The following LTBP1 variants were observed in gnomAD, a reference collection of about 807,000 sequenced individuals.
The protein encoded by LTBP1 is latent transforming growth factor beta binding protein 1.
A neutral mutation model predicts 207.6 loss-of-function variants in LTBP1; 129 were observed. The observed-to-expected ratio is 0.62, with a 90% CI of 0.54 to 0.72. The LOEUF is 0.72. Among genes scored for constraint, LTBP1 ranks in the 30% least tolerant of loss-of-function variants. The pLI, the probability that LTBP1 is intolerant of heterozygous loss-of-function variation, is 0.00. For synonymous variants in LTBP1, 963 were observed against 833.7 expected (o/e 1.16, Z -2.67); for missense variants, 2,281 against 2,217.2 (o/e 1.03, Z -0.58).
At chr2:33,151,447 CT>C (rs796120604) in intron 5 of LTBP1, among the ~76,000 whole-genome samples, 125 of 151,082 alleles carry the variant, frequency 8.3e-4, no homozygotes, top group African/African-American at 1.9e-3. Flanking sequence ...TCAGCTTACC[CT>C]TTTTTTTTGT....
At position 33,161,522 on chromosome 2, in the gene LTBP1, C is replaced by T. The variant is rs563294756; in HGVS notation, c.1202-25334C>T. Among the ~76,000 whole-genome samples, 5 of 152,338 alleles carry T rather than the reference C, an allele frequency of 3.3e-5. 1 individual carries two copies. The South Asian group carries it at 1.0e-3, about 32-fold the overall frequency. ...GACCTCGTGATCCACCTGCCTCAGC[C>T]TTCCAAAGTGTTGGCATTACAGGCG... On this transcript the variant is annotated intron_variant, in intron 5 of 33. Coordinates refer to ENST00000404816, the MANE Select transcript of LTBP1 (RefSeq NM_206943.4).
chr2:33,120,851 A>G (rs192819180), intron 4 of LTBP1, among the ~76,000 whole-genome samples: 3 of 152,306 alleles, frequency 2.0e-5, no homozygotes, highest in African/African-American at 4.8e-5. Context: ...TTTTTTCGCA[A>G]TTAAACATCA....
intron 14 of LTBP1, 116 bp from the exon 15 acceptor site, chr2:33,263,178 T>C (rs76813476): frequency 0.025 from 17,792 of 697,786 alleles, 312 homozygotes; most frequent in Middle Eastern, 0.091. Flanking sequence ...CAGTTCTTTA[T>C]ATCTGACAAA....
Position 33,131,894 on chromosome 2 carries a change from G to C in LTBP1, c.1034-2899G>C, listed in dbSNP as rs140982344. Among the ~76,000 whole-genome samples, 438 of 152,256 alleles carry C rather than the reference G, an allele frequency of 2.9e-3. 2 individuals are homozygous for C. The highest frequency in any genetic ancestry group is 0.01 in the African/African-American group (416 of 41,554). On this transcript the variant is annotated intron_variant, in intron 4 of 33. Coordinates refer to ENST00000404816, the MANE Select transcript of LTBP1 (RefSeq NM_206943.4). Reference sequence around the variant, plus strand: ...AGTTTTTAATAACAATAGGCCCGGAGAATCTCCAGTGCTTATAAAGTGACT... The same window carrying C: ...AGTTTTTAATAACAATAGGCCCGGACAATCTCCAGTGCTTATAAAGTGACT...
In LTBP1 at chr2:33,095,259, A is replaced by T. The variant is rs551275851; in HGVS notation, c.864-15323A>T. The stretch of plus-strand genomic sequence containing the variant: ...AGTGAACTATTTGAAGGCATTTGAG[A>T]GCAATAAAAAGCAGACTGAAATTGG... On this transcript the variant is annotated intron_variant, in intron 3 of 33. Coordinates refer to ENST00000404816, the MANE Select transcript of LTBP1 (RefSeq NM_206943.4). Among the ~76,000 whole-genome samples the T allele has an allele frequency of 4.1e-4, 63 of 152,312 alleles. 1 individual carries two copies. The South Asian group carries it at 0.013, about 32-fold the overall frequency.
intron 24 of LTBP1, among the ~76,000 whole-genome samples, chr2:33,322,052 T>A (rs7570856): frequency 0.067 from 10,144 of 152,218 alleles, 1,106 homozygotes; most frequent in African/African-American, 0.23. Flanking sequence ...TTTCCATGCA[T>A]TGCTTGATTG....
chr2:33,124,599 TGA>T (rs1385504400), intron 4 of LTBP1, among the ~76,000 whole-genome samples: 3 of 152,346 alleles, frequency 2.0e-5, no homozygotes, highest in East Asian at 1.9e-4. Context: ...AGTTATGATC[TGA>T]AAGCAAACAT....
Position 32,955,454 on chromosome 2 carries a change from T to C in LTBP1, c.565+6509T>C, listed in dbSNP as rs1677923793. Among the ~76,000 whole-genome samples the C allele has an allele frequency of 2.0e-5, 3 of 152,132 alleles. No individual in the cohort carries two copies. The South Asian group carries it at 6.2e-4, about 32-fold the overall frequency. ...CCTTTTAAAAAAGATTTAAACACTT[T>C]GGAACAGTTGGGTGTTTTCTTCCAC... On this transcript the variant is annotated intron_variant, in intron 2 of 33. Coordinates refer to ENST00000404816, the MANE Select transcript of LTBP1 (RefSeq NM_206943.4).
chr2:33,206,374 T>C (rs1192288161), intron 7 of LTBP1, among the ~76,000 whole-genome samples: 1 of 152,148 alleles, frequency 6.6e-6, no homozygotes, highest in Non-Finnish European at 1.5e-5. Context: ...CTAAAATGTT[T>C]TTGGTTCCTT....
At chr2:33,115,121 T>C (rs201703628) in intron 4 of LTBP1, among the ~76,000 whole-genome samples, 1,074 of 85,214 alleles carry the variant, frequency 0.013, 13 homozygotes, top group African/African-American at 0.042. Context: ...CACACACACA[T>C]ATATATACAC....
In LTBP1 at chr2:33,398,361, C is replaced by A; in HGVS notation, c.4985-3C>A. The A allele has an allele frequency of 6.2e-7, 1 of 1,612,274 alleles. No homozygotes were observed. Among genetic ancestry groups the A allele is most frequent in the Non-Finnish European group, 8.5e-7 (1 of 1,178,986 alleles). ...TTTACCTGCATGGCTTGACTTATTG[C>A]AGATGTAAATGAATGCGATGAGTTG... On this transcript the variant is annotated splice_polypyrimidine_tract_variant and splice_region_variant and intron_variant, in intron 33 of 33. Coordinates refer to ENST00000404816, the MANE Select transcript of LTBP1 (RefSeq NM_206943.4).
At chr2:33,194,293 C>T (rs1295250922) in intron 7 of LTBP1, among the ~76,000 whole-genome samples, 1 of 152,068 alleles carries the variant, frequency 6.6e-6, no homozygotes, top group Non-Finnish European at 1.5e-5. Context: ...CCACATCTCT[C>T]ACTTTAAATC....
intron 2 of LTBP1, among the ~76,000 whole-genome samples, 182 bp downstream of exon 2, chr2:32,949,127 C>T (rs1676725785): frequency 6.6e-6 from 1 of 152,166 alleles, no homozygotes; most frequent in African/African-American, 2.4e-5. Flanking sequence ...AGTATCAATG[C>T]CAGCAGCAAT....
At position 33,187,097 on chromosome 2, in the gene LTBP1, C is replaced by G. The variant is rs2087289235; in HGVS notation, c.1426+17C>G. 1.2e-6 allele frequency: 2 copies of G among 1,608,576 alleles called. No individual in the cohort carries two copies. Among genetic ancestry groups the G allele is most frequent in the Non-Finnish European group, 1.7e-6 (2 of 1,175,806 alleles). On this transcript the variant is annotated intron_variant, in intron 6 of 33. Coordinates refer to ENST00000404816, the MANE Select transcript of LTBP1 (RefSeq NM_206943.4). ...GAGTCAAAGGTAAGCTTTTTTCATT[C>G]CGCCCATTTGCCAGACCTCTGTTAA...
chr2:33,383,076 C>T (rs1294819368), intron 31 of LTBP1, among the ~76,000 whole-genome samples: 1 of 152,240 alleles, frequency 6.6e-6, no homozygotes, highest in Non-Finnish European at 1.5e-5. Flanking sequence ...TGCCCATTGG[C>T]TGGGCGCAGT....
chr2:33,050,489 C>CA (rs994055960), intron 3 of LTBP1, among the ~76,000 whole-genome samples: 3 of 151,586 alleles, frequency 2.0e-5, no homozygotes, highest in Admixed American at 1.3e-4. Flanking sequence ...CATTAGACAC[C>CA]AAAAAAATGC....
chr2:33,326,582 A>G (rs921083963), intron 24 of LTBP1, among the ~76,000 whole-genome samples: 1 of 151,968 alleles, frequency 6.6e-6, no homozygotes, highest in South Asian at 2.1e-4. Context: ...AGAATCTTCT[A>G]TACATTTACC....
intron 3 of LTBP1, among the ~76,000 whole-genome samples, chr2:33,038,830 A>C (rs190838187): frequency 6.6e-6 from 1 of 152,294 alleles, no homozygotes; most frequent in Admixed American, 6.5e-5. Flanking sequence ...AGTCTTAGGA[A>C]AATGTCTTTT....
rs140577390 is a variant in LTBP1, at chr2:33,318,958, G to A, written c.3730+3689G>A. On this transcript the variant is annotated intron_variant, in intron 24 of 33. Coordinates refer to ENST00000404816, the MANE Select transcript of LTBP1 (RefSeq NM_206943.4). ...AAGAAAAATTTTTTTTAATTAGCTGGACATGGTAGCTCATGTCTATAGTCC... is the reference window on the plus strand; with the variant it reads ...AAGAAAAATTTTTTTTAATTAGCTGAACATGGTAGCTCATGTCTATAGTCC... Among the ~76,000 whole-genome samples, 3 of 152,052 alleles carry A rather than the reference G, an allele frequency of 2.0e-5. No individual in the cohort carries two copies. In the East Asian group the frequency reaches 5.8e-4, roughly 29 times the overall value.
Sources: gnomAD v4.1 joint callset for allele counts (sites outside exome capture counted in the v4.1 genomes callset) on GRCh38, gnomAD v4.1.1 for gene constraint, MANE v1.5 for transcripts, NCBI Gene and HGNC (gene_info 2026-07-23, HGNC 2026-07-21) for gene names.